SAMTOR: variants seen among roughly 807,000 people sequenced by gnomAD.
SAMTOR encodes UPF0532 protein C7orf60.
At chr7:112,876,757 G>A in the SAMTOR span, among the ~76,000 whole-genome samples, 3 of 152,290 alleles carry the variant, frequency 2.0e-5, no homozygotes, top group Admixed American at 2.0e-4. Context: ...TGAATTGCTT[G>A]GCATAATATT....
the SAMTOR span, among the ~76,000 whole-genome samples, chr7:112,913,564 T>A: frequency 6.6e-6 from 1 of 152,224 alleles, no homozygotes; most frequent in African/African-American, 2.4e-5. Context: ...GTTAATAAAA[T>A]CCTGTCACTT....
the SAMTOR span, among the ~76,000 whole-genome samples, chr7:112,873,850 T>C: frequency 6.6e-5 from 10 of 151,910 alleles, no homozygotes; most frequent in Non-Finnish European, 5.9e-5. Context: ...AAGAAACTTA[T>C]ATCAACAAGC....
At chr7:112,908,701 ATTTG>A in the SAMTOR span, among the ~76,000 whole-genome samples, 16 of 152,152 alleles carry the variant, frequency 1.1e-4, no homozygotes, top group East Asian at 7.7e-4. Context: ...ATGGATATGA[ATTTG>A]TTTATTTTTG....
At chr7:112,853,469 T>C in the SAMTOR span, among the ~76,000 whole-genome samples, 18 of 152,232 alleles carry the variant, frequency 1.2e-4, no homozygotes, top group African/African-American at 3.8e-4. Flanking sequence ...TAAGGAAATA[T>C]AGGATTTTTA....
At chr7:112,906,989 G>T in the SAMTOR span, among the ~76,000 whole-genome samples, 13 of 152,278 alleles carry the variant, frequency 8.5e-5, no homozygotes, top group South Asian at 2.1e-3. Context: ...TGGACCAGTT[G>T]ATCCTAAAGT....
the SAMTOR span, chr7:112,935,201 T>C: frequency 9.1e-6 from 4 of 437,704 alleles, no homozygotes; most frequent in South Asian, 1.7e-5. Flanking sequence ...GAAAAGAATC[T>C]GTTCAAAGTT....
the SAMTOR span, among the ~76,000 whole-genome samples, chr7:112,857,545 A>G: frequency 3.3e-5 from 5 of 152,246 alleles, no homozygotes; most frequent in Non-Finnish European, 4.4e-5. Context: ...ACATGTATCT[A>G]AAGTCATAAA....
At chr7:112,870,585 C>T in the SAMTOR span, among the ~76,000 whole-genome samples, 756 of 152,094 alleles carry the variant, frequency 5.0e-3, 3 homozygotes, top group Middle Eastern at 0.058. Context: ...ACTACAAAAG[C>T]ATACATAAAC....
At chr7:112,860,829 G>A in the SAMTOR span, among the ~76,000 whole-genome samples, 29 of 150,128 alleles carry the variant, frequency 1.9e-4, no homozygotes, top group African/African-American at 5.9e-4. Context: ...GGAGAATGGC[G>A]TGAACCGGGG....
chr7:112,832,722 AG>A, the SAMTOR span: 1 of 1,190,540 alleles, frequency 8.4e-7, no homozygotes, highest in East Asian at 2.3e-5. Context: ...TGAGAATGTA[AG>A]AAATCACATA....
chr7:112,912,288 A>G, the SAMTOR span, among the ~76,000 whole-genome samples: 1 of 152,044 alleles, frequency 6.6e-6, no homozygotes, highest in African/African-American at 2.4e-5. Context: ...CTGTATTTAA[A>G]GAGCTAAAAA....
At chr7:112,906,717 G>A in the SAMTOR span, among the ~76,000 whole-genome samples, 1 of 151,832 alleles carries the variant, frequency 6.6e-6, no homozygotes, top group South Asian at 2.1e-4. Context: ...GACTACAGGT[G>A]CACACCACCA....
chr7:112,914,460 T>C, the SAMTOR span, among the ~76,000 whole-genome samples: 7 of 152,050 alleles, frequency 4.6e-5, no homozygotes, highest in East Asian at 1.3e-3. Context: ...TTTCTTATAA[T>C]TTTACCACAT....
chr7:112,905,764 A>T, the SAMTOR span, among the ~76,000 whole-genome samples: 2 of 152,040 alleles, frequency 1.3e-5, no homozygotes, highest in Non-Finnish European at 2.9e-5. Flanking sequence ...AAGTTGGCAA[A>T]CACTTCCTTA....
chr7:112,919,633 C>A, the SAMTOR span, among the ~76,000 whole-genome samples: 2 of 152,004 alleles, frequency 1.3e-5, no homozygotes, highest in African/African-American at 4.8e-5. Context: ...ACACAAAAAA[C>A]CCTTCAAAAA....
chr7:112,830,762 T>C, the SAMTOR span, among the ~76,000 whole-genome samples: 3 of 152,240 alleles, frequency 2.0e-5, no homozygotes, highest in Admixed American at 6.5e-5. Context: ...ATCAAAATGA[T>C]TCATAATCAA....
At chr7:112,824,940 T>A in the SAMTOR span, among the ~76,000 whole-genome samples, 41 of 152,326 alleles carry the variant, frequency 2.7e-4, no homozygotes, top group Admixed American at 1.6e-3. Flanking sequence ...TGAGCTATTA[T>A]TCTAGGTCCT....
At chr7:112,861,794 T>C in the SAMTOR span, among the ~76,000 whole-genome samples, 1 of 152,242 alleles carries the variant, frequency 6.6e-6, no homozygotes, top group South Asian at 2.1e-4. Flanking sequence ...CTTCTGAAGA[T>C]ATAAAGTCCC....
chr7:112,903,267 G>A, the SAMTOR span, among the ~76,000 whole-genome samples: 7 of 151,518 alleles, frequency 4.6e-5, no homozygotes, highest in African/African-American at 9.7e-5. Context: ...AGCCCAGATC[G>A]TATCACTGCA....
Sources: gnomAD v4.1 joint callset for allele counts (sites outside exome capture counted in the v4.1 genomes callset) on GRCh38, gnomAD v4.1.1 for gene constraint, MANE v1.5 for transcripts, NCBI Gene and HGNC (gene_info 2026-07-23, HGNC 2026-07-21) for gene names.